Variants in TPH2 observed in about 807,000 individuals in gnomAD.
The protein encoded by TPH2 is tryptophan 5-hydroxylase 2.
TPH2 carries 27 observed loss-of-function variants against 59.1 expected under a neutral mutation model. The ratio of observed to expected loss-of-function variants is 0.46; its 90% CI spans 0.34 to 0.63. TPH2 has a LOEUF of 0.63. Among genes scored for constraint, TPH2 ranks in the 30% least tolerant of loss-of-function variants. TPH2 has a pLI of 0.01. For synonymous variants in TPH2, 220 were observed against 210.5 expected (o/e 1.05, Z -0.39); for missense variants, 523 against 588.3 (o/e 0.89, Z 1.15).
At chr12:71,978,617 G>A (rs11179023) in intron 6 of TPH2, among the ~76,000 whole-genome samples, 40,157 of 152,092 alleles carry the variant, frequency 0.26, 5,636 homozygotes, top group East Asian at 0.47. Context: ...ACCAGGTAAT[G>A]TGCGGTAAGC....
At chr12:72,007,756 T>C (rs949260042) in intron 8 of TPH2, among the ~76,000 whole-genome samples, 16 of 152,158 alleles carry the variant, frequency 1.1e-4, no homozygotes, top group Admixed American at 9.2e-4. Flanking sequence ...CTTTTTTTTT[T>C]TGGCTGTTCA....
chr12:71,981,536 G>A (rs1872277326), intron 7 of TPH2, among the ~76,000 whole-genome samples: 1 of 152,112 alleles, frequency 6.6e-6, no homozygotes, highest in Admixed American at 6.5e-5. Context: ...TAGTACAAGA[G>A]GGCACCTATT....
intron 8 of TPH2, among the ~76,000 whole-genome samples, chr12:72,021,227 T>C (rs1329316066): frequency 6.6e-6 from 1 of 152,162 alleles, no homozygotes; most frequent in African/African-American, 2.4e-5. Context: ...TTTCTTTTTT[T>C]TTCTTCTCGT....
intron 7 of TPH2, among the ~76,000 whole-genome samples, chr12:71,990,443 T>A (rs1049834269): frequency 6.6e-6 from 1 of 152,206 alleles, no homozygotes; most frequent in Admixed American, 6.5e-5. Flanking sequence ...AGACTCCCCA[T>A]AGCCTGGAAC....
intron 7 of TPH2, among the ~76,000 whole-genome samples, chr12:71,980,218 C>T (rs1872236405): frequency 6.6e-6 from 1 of 152,188 alleles, no homozygotes; most frequent in Non-Finnish European, 1.5e-5. Context: ...CTTTTGCCTT[C>T]CTGGGCTCCA....
intron 5 of TPH2, among the ~76,000 whole-genome samples, chr12:71,971,993 A>C (rs1871985446): frequency 6.6e-6 from 1 of 152,144 alleles, no homozygotes; most frequent in Non-Finnish European, 1.5e-5. Flanking sequence ...TGGTTTGCAA[A>C]ACTTTCACTT....
chr12:71,985,168 A>C (rs181969589), intron 7 of TPH2, among the ~76,000 whole-genome samples: 2 of 152,292 alleles, frequency 1.3e-5, no homozygotes, highest in East Asian at 3.9e-4. Flanking sequence ...AAGACACAGA[A>C]AGGTTAAGTA....
At chr12:72,009,078 A>C (rs1025138628) in intron 8 of TPH2, among the ~76,000 whole-genome samples, 1 of 152,128 alleles carries the variant, frequency 6.6e-6, no homozygotes, top group African/African-American at 2.4e-5. Context: ...AACAAAAACA[A>C]AACCAGCTTC....
In TPH2 at chr12:72,032,389, A is replaced by AT. The variant is rs1305207553; in HGVS notation, c.*695dup. ...ATTAGGAAAGACTAAACAGTGGACA[A>AT]TCAATCTTGGGACTATGAATTTTAT... On this transcript the variant is annotated 3_prime_UTR_variant, in exon 11 of 11. Transcript: ENST00000333850. The AT allele has an allele frequency of 6.5e-6, 1 of 152,688 alleles. No individual in the cohort carries two copies. Among genetic ancestry groups the AT allele is most frequent in the Non-Finnish European group, 1.5e-5 (1 of 68,414 alleles). The allele number at this position is 152,688 out of a possible 1,614,324, so 9.5% of individuals were successfully genotyped here. A position where few individuals can be genotyped will look rare whatever the true frequency, so the allele number is the denominator to read the frequency against.
rs183971181 is a variant in TPH2, at chr12:72,017,773, T to C, written c.1069-4626T>C. Reference sequence around the variant, plus strand: ...TATCTGAGGAAACCAAATTATATTTTCTTAAACGTTCATGAAGCAATTAGT... The same window carrying C: ...TATCTGAGGAAACCAAATTATATTTCCTTAAACGTTCATGAAGCAATTAGT... On this transcript the variant is annotated intron_variant, in intron 8 of 10. Coordinates refer to ENST00000333850, the MANE Select transcript of TPH2 (RefSeq NM_173353.4). 2.8e-3 allele frequency among the ~76,000 whole-genome samples: 434 copies of C among 152,334 alleles called. 1 individual carries two copies. The highest frequency in any genetic ancestry group is 4.3e-3 in the Non-Finnish European group (295 of 68,036).
At chr12:71,985,663 C>T (rs1872412447) in intron 7 of TPH2, among the ~76,000 whole-genome samples, 1 of 152,178 alleles carries the variant, frequency 6.6e-6, no homozygotes, top group African/African-American at 2.4e-5. Context: ...TCCCAAAGTG[C>T]TGGGATTACA....
chr12:71,962,234 G>A, intron 5 of TPH2: 12 of 985,528 alleles, frequency 1.2e-5, no homozygotes, highest in Non-Finnish European at 1.3e-5. Context: ...TTAAGTTGCT[G>A]TACTGATTTG....
intron 1 of TPH2, among the ~76,000 whole-genome samples, chr12:71,939,302 C>CT (rs1300559090): frequency 6.8e-6 from 1 of 147,366 alleles, no homozygotes; most frequent in African/African-American, 2.5e-5. Context: ...GCGTGCTCAA[C>CT]TTTTTTTCCG....
intron 5 of TPH2, among the ~76,000 whole-genome samples, chr12:71,954,732 A>G (rs947170785): frequency 6.6e-5 from 10 of 152,134 alleles, no homozygotes; most frequent in Non-Finnish European, 1.3e-4. Context: ...TTGTTGGGGG[A>G]ACAATCAGTG....
intron 5 of TPH2, among the ~76,000 whole-genome samples, chr12:71,960,865 A>T (rs970546929): frequency 1.3e-5 from 2 of 152,134 alleles, no homozygotes; most frequent in Non-Finnish European, 2.9e-5. Context: ...TTTATATGGA[A>T]CAGTGCTGTT....
intron 8 of TPH2, among the ~76,000 whole-genome samples, chr12:72,015,652 C>T (rs1370468427): frequency 2.0e-5 from 3 of 152,172 alleles, no homozygotes; most frequent in Admixed American, 6.5e-5. Flanking sequence ...ACCAAAGCTA[C>T]AGCCGCTGAT....
At chr12:71,951,747 C>T (rs565329189) in intron 5 of TPH2, among the ~76,000 whole-genome samples, 1 of 151,650 alleles carries the variant, frequency 6.6e-6, no homozygotes, top group Non-Finnish European at 1.5e-5. Context: ...TGATTTCGGC[C>T]GGGTACAGTG....
At chr12:71,970,746 C>A (rs1338688963) in intron 5 of TPH2, among the ~76,000 whole-genome samples, 2 of 152,232 alleles carry the variant, frequency 1.3e-5, no homozygotes, top group African/African-American at 2.4e-5. Flanking sequence ...GTCTTAGAAG[C>A]CTTGATCTTC....
intron 8 of TPH2, among the ~76,000 whole-genome samples, chr12:72,011,811 T>TG (rs1873105821): frequency 1.3e-5 from 2 of 152,262 alleles, no homozygotes; most frequent in African/African-American, 4.8e-5. Flanking sequence ...AAAAGGCCTG[T>TG]GGTGTCTTAG....
Sources: allele counts gnomAD v4.1 joint callset (sites outside exome capture counted in the v4.1 genomes callset), GRCh38; gene constraint gnomAD v4.1.1; transcripts MANE v1.5; gene names NCBI Gene and HGNC (gene_info 2026-07-23, HGNC 2026-07-21).